The following AADAT variants were observed in gnomAD, a reference collection of about 807,000 sequenced individuals.
AADAT encodes the protein kynurenine/alpha-aminoadipate aminotransferase, mitochondrial.
Under a neutral mutation model 56.2 loss-of-function variants are expected in AADAT, and 25 were observed. That is an observed-to-expected ratio of 0.44 (90% CI 0.32 to 0.62). The LOEUF is 0.62. AADAT is among the 20% of genes least tolerant of loss of function. The pLI, the probability that AADAT is intolerant of heterozygous loss-of-function variation, is 0.04. For missense variants in AADAT, 387 were observed against 510.5 expected, an observed-to-expected ratio of 0.76 and a Z score of 2.33; for synonymous variants, 173 against 164.7, an observed-to-expected ratio of 1.05 and a Z score of -0.39.
At position 170,073,348 on chromosome 4, in the gene AADAT, G is replaced by A. The variant is rs777641365; in HGVS notation, c.445-3C>T. 1.2e-6 allele frequency: 2 copies of A among 1,611,902 alleles called. No homozygotes were observed. Among genetic ancestry groups the A allele is most frequent in the Admixed American group, 1.7e-5 (1 of 59,756 alleles). On this transcript the variant is annotated splice_polypyrimidine_tract_variant and splice_region_variant and intron_variant, in intron 4 of 12. Coordinates refer to ENST00000337664, the MANE Select transcript of AADAT (RefSeq NM_016228.4). Reference sequence around the variant, plus strand: ...ATGTTGCAGCCCAGTGGGTGCAGCTGTTGAGCACAAAAGAAAGCCTGAGTC... The same window carrying A: ...ATGTTGCAGCCCAGTGGGTGCAGCTATTGAGCACAAAAGAAAGCCTGAGTC...
chr4:170,071,815 G>A (rs1731776113), intron 5 of AADAT, among the ~76,000 whole-genome samples: 1 of 152,152 alleles, frequency 6.6e-6, no homozygotes, highest in African/African-American at 2.4e-5. Flanking sequence ...AAGCTCAGTG[G>A]TAGAGTCCAC....
intron 12 of AADAT, 46 bp downstream of exon 12, chr4:170,061,846 A>C: frequency 7.0e-7 from 1 of 1,427,028 alleles, no homozygotes; most frequent in South Asian, 1.3e-5. Context: ...CATTAAAAAA[A>C]CAGAACTGCT....
intron 3 of AADAT, among the ~76,000 whole-genome samples, chr4:170,079,941 G>C (rs17711677): frequency 0.028 from 4,257 of 152,254 alleles, 221 homozygotes; most frequent in East Asian, 0.19. Context: ...AAGGAGAGAT[G>C]TTTAAGGACT....
intron 10 of AADAT, among the ~76,000 whole-genome samples, chr4:170,066,033 TGTCA>T (rs1731444130): frequency 6.6e-6 from 1 of 152,240 alleles, no homozygotes; most frequent in African/African-American, 2.4e-5. Context: ...GCAAATAATT[TGTCA>T]GTAAGACATC....
At position 170,087,263 on chromosome 4, in the gene AADAT, G is replaced by A. The variant is rs758232158; in HGVS notation, c.237-15C>T. On this transcript the variant is annotated splice_polypyrimidine_tract_variant and intron_variant, in intron 2 of 12. Transcript: ENST00000337664. ...GCTCTGGAATTCTAAAGCAAAAAAT[G>A]TATATTTAAATTCATAGTAGTAAAA... The A allele has an allele frequency of 1.1e-5, 18 of 1,605,618 alleles. No homozygotes were observed. The South Asian group carries it at 2.0e-4, about 18-fold the overall frequency.
Position 170,089,900 on chromosome 4 carries a change from T to C in AADAT, c.-210A>G. On this transcript the variant is annotated 5_prime_UTR_variant, in exon 1 of 13. Transcript: ENST00000337664. ...GACGCTGCGTTCGGTCTCCCGGTCC[T>C]AAACGGGTCTGGGGCTGTGTGGCGA... 1 of 585,026 alleles carries C rather than the reference T, an allele frequency of 1.7e-6. No individual in the cohort carries two copies. The highest frequency in any genetic ancestry group is 3.0e-6 in the Non-Finnish European group (1 of 327,892). The allele number at this position is 585,026 out of a possible 1,614,324, so 36.2% of individuals were successfully genotyped here.
At chr4:170,070,723 C>T in intron 5 of AADAT, 71 bp from the exon 6 acceptor site, 3 of 1,090,248 alleles carry the variant, frequency 2.8e-6, no homozygotes, top group Non-Finnish European at 1.3e-6. Flanking sequence ...AAATTAAATT[C>T]ATTTGGAATT....
At chr4:170,064,968 T>C (rs1731376823) in intron 10 of AADAT, 143 bp from the exon 11 acceptor site, 1 of 655,638 alleles carries the variant, frequency 1.5e-6, no homozygotes, top group Non-Finnish European at 2.5e-6. Flanking sequence ...TTTTTAAAAA[T>C]ATCATTTTGT....
At chr4:170,063,433 T>C (rs74594164) in intron 11 of AADAT, among the ~76,000 whole-genome samples, 1 of 152,370 alleles carries the variant, frequency 6.6e-6, no homozygotes, top group East Asian at 1.9e-4. Context: ...GATAACCACT[T>C]ACCACATATT....
At chr4:170,081,711 T>A (rs1311067780) in intron 3 of AADAT, among the ~76,000 whole-genome samples, 1 of 152,188 alleles carries the variant, frequency 6.6e-6, no homozygotes, top group African/African-American at 2.4e-5. Flanking sequence ...ATATTTTTAT[T>A]GATTGATTGA....
chr4:170,079,324 C>T (rs2111191612), intron 3 of AADAT, among the ~76,000 whole-genome samples: 1 of 152,240 alleles, frequency 6.6e-6, no homozygotes, highest in East Asian at 1.9e-4. Context: ...GGTGTGACAT[C>T]AGACAGAAGT....
In AADAT at chr4:170,080,127, G is replaced by A. The variant is rs1581589903; in HGVS notation, c.370-1544C>T. On this transcript the variant is annotated intron_variant, in intron 3 of 12. Transcript: ENST00000337664. The stretch of plus-strand genomic sequence containing the variant: ...TTCCAAAATGGTGGTGTAGAAGCAA[G>A]TTGACTTCATTCCCTCCCACAAAAC... Among the ~76,000 whole-genome samples, 4 of 152,304 alleles carry A rather than the reference G, an allele frequency of 2.6e-5. No individual in the cohort carries two copies. In the South Asian group the frequency reaches 6.2e-4, roughly 24 times the overall value.
chr4:170,066,765 T>C (rs1581570808), intron 9 of AADAT, among the ~76,000 whole-genome samples: 1 of 149,902 alleles, frequency 6.7e-6, no homozygotes, highest in Admixed American at 6.6e-5. Flanking sequence ...TTGTGTTTAG[T>C]TGTCTAAATA....
chr4:170,081,324 A>G (rs939032981), intron 3 of AADAT, among the ~76,000 whole-genome samples: 2 of 152,180 alleles, frequency 1.3e-5, no homozygotes, highest in African/African-American at 4.8e-5. Context: ...ACCCCAAAAG[A>G]CTAAATCTAA....
At chr4:170,085,743 AC>A (rs1401018773) in intron 3 of AADAT, among the ~76,000 whole-genome samples, 1 of 152,180 alleles carries the variant, frequency 6.6e-6, no homozygotes, top group Non-Finnish European at 1.5e-5. Context: ...TAATTCTTTT[AC>A]TTTTCCTAAT....
At chr4:170,090,470 C>G (rs1012316250), upstream of AADAT, 6 of 152,204 alleles carry the variant, frequency 3.9e-5, no homozygotes, top group African/African-American at 1.4e-4. Context: ...ATCCCGGCGA[C>G]CAAGACGAAT....
At chr4:170,068,452 G>T in intron 8 of AADAT, 139 bp downstream of exon 8, 2 of 554,122 alleles carry the variant, frequency 3.6e-6, no homozygotes, top group Non-Finnish European at 3.1e-6. Context: ...CATTTCTTTA[G>T]AAAGATTAGC....
intron 4 of AADAT, among the ~76,000 whole-genome samples, chr4:170,076,685 C>G (rs1356488706): frequency 2.0e-5 from 3 of 151,976 alleles, no homozygotes; most frequent in Non-Finnish European, 4.4e-5. Context: ...TCACTGTTTT[C>G]ATAATGTCCT....
In AADAT at chr4:170,078,533, A is replaced by C; in HGVS notation, c.420T>G (p.Pro140=). ...NPGDNVLLDE[P]AYSGTLQSLH... ...CACTTTGAAGAGTTCCTGAATAAGC[A>C]GGTTCATCTAGGAGGACATTATCTC... The change falls in exon 4 of 13, where the codon CCT becomes CCG. Residue 140 remains proline (P), a synonymous_variant. Transcript: ENST00000337664. The C allele has an allele frequency of 6.2e-7, 1 of 1,607,524 alleles. No homozygotes were observed. Among genetic ancestry groups the C allele is most frequent in the Non-Finnish European group, 8.5e-7 (1 of 1,176,354 alleles).
Sources: allele counts gnomAD v4.1 joint callset (sites outside exome capture counted in the v4.1 genomes callset), GRCh38; gene constraint gnomAD v4.1.1; transcripts MANE v1.5; gene names NCBI Gene and HGNC (gene_info 2026-07-23, HGNC 2026-07-21).